Variants in FAM177B observed in about 807,000 individuals in gnomAD.
FAM177B encodes protein FAM177B.
Under a neutral mutation model 16.1 loss-of-function variants are expected in FAM177B, and 16 were observed. The ratio of observed to expected loss-of-function variants is 0.99; its 90% CI spans 0.67 to 1.51. FAM177B has a LOEUF of 1.51. Ranked by LOEUF, FAM177B falls within the 40% of genes most tolerant of loss-of-function variation. FAM177B has a pLI of 0.00. For synonymous variants in FAM177B, 56 were observed against 59.9 expected (o/e 0.93, Z 0.30); for missense variants, 178 against 183.7 (o/e 0.97, Z 0.18).
Position 222,750,505 on chromosome 1 carries a change from T to C in FAM177B, c.*447T>C, listed in dbSNP as rs1026171010. On this transcript the variant is annotated 3_prime_UTR_variant, in exon 6 of 6. Transcript: ENST00000445590. ...ATAAATCCCCTTTCAGGATTTGATA[T>C]AGTGTGTACTTCCAACAACCATCCT... 4.0e-6 allele frequency: 4 copies of C among 988,044 alleles called. No individual in the cohort carries two copies. Among genetic ancestry groups the C allele is most frequent in the Non-Finnish European group, 4.8e-6 (4 of 831,840 alleles). The allele number at this position is 988,044 out of a possible 1,614,324, so 61.2% of individuals were successfully genotyped here.
chr1:222,744,738 G>C (rs1048043119), intron 2 of FAM177B, among the ~76,000 whole-genome samples: 7 of 152,158 alleles, frequency 4.6e-5, no homozygotes, highest in Middle Eastern at 6.8e-3. Context: ...TTAAATAATA[G>C]GATTTTAAAT....
At chr1:222,749,133 A>C in intron 4 of FAM177B, 1 of 463,084 alleles carries the variant, frequency 2.2e-6, no homozygotes, top group Non-Finnish European at 4.4e-6. Context: ...GCCGGTATGC[A>C]TGGGGATAAT....
chr1:222,749,017 C>A (rs1374433365), intron 4 of FAM177B: 4 of 472,086 alleles, frequency 8.5e-6, no homozygotes, highest in African/African-American at 2.0e-5. Flanking sequence ...CCTTAAACAA[C>A]TTCTGAGAAG....
intron 5 of FAM177B, 95 bp downstream of exon 5, chr1:222,749,657 T>C: frequency 1.3e-6 from 1 of 791,424 alleles, no homozygotes; most frequent in Non-Finnish European, 2.1e-6. Context: ...TCCCACCTGG[T>C]CATATGTACT....
Position 222,750,165 on chromosome 1 carries a change from A to C in FAM177B, c.*107A>C, listed in dbSNP as rs776893920. On this transcript the variant is annotated 3_prime_UTR_variant, in exon 6 of 6. Transcript: ENST00000445590. ...TTGGCCATTGATTACCATGGCAACA[A>C]CACCAGAGGTAGCACTTCTGAGCCA... 4.6e-6 allele frequency: 7 copies of C among 1,521,982 alleles called. No homozygotes were observed. Among genetic ancestry groups the C allele is most frequent in the Non-Finnish European group, 6.1e-6 (7 of 1,140,914 alleles). The allele number at this position is 1,521,982 out of a possible 1,614,324, so 94.3% of individuals were successfully genotyped here.
intron 2 of FAM177B, among the ~76,000 whole-genome samples, chr1:222,745,450 A>G (rs1245363864): frequency 2.0e-5 from 3 of 151,946 alleles, no homozygotes; most frequent in Non-Finnish European, 4.4e-5. Context: ...CATCTCTATA[A>G]AAAAAAATTT....
At chr1:222,745,722 G>GC (rs1658764712) in intron 2 of FAM177B, among the ~76,000 whole-genome samples, 1 of 152,176 alleles carries the variant, frequency 6.6e-6, no homozygotes, top group Non-Finnish European at 1.5e-5. Context: ...AGGAGTTTGA[G>GC]ACCAGCCTGA....
rs182349811 is a variant in FAM177B, at chr1:222,741,751, T to C, written c.-16+3730T>C. ...TCCCTCCCTCCCTCCCTCCCTCCTT[T>C]CTTTCTTTCTTTTTCTTTCTTCCTT... On this transcript the variant is annotated intron_variant, in intron 2 of 5. Coordinates refer to ENST00000445590, the MANE Select transcript of FAM177B (RefSeq NM_001394345.1). 4.1e-3 allele frequency among the ~76,000 whole-genome samples: 566 copies of C among 139,040 alleles called. 4 individuals carry two copies. The highest frequency in any genetic ancestry group is 0.013 in the African/African-American group (494 of 38,306). 91.2% of individuals were successfully genotyped at this position (139,040 alleles called of 152,430 possible).
Position 222,748,673 on chromosome 1 carries a change from T to C in FAM177B, c.242-792T>C, listed in dbSNP as rs76487983. 6.8e-4 allele frequency among the ~76,000 whole-genome samples: 103 copies of C among 152,302 alleles called. No homozygotes were observed. The East Asian group carries it at 0.019, about 28-fold the overall frequency. On this transcript the variant is annotated intron_variant, in intron 4 of 5. Coordinates refer to ENST00000445590, the MANE Select transcript of FAM177B (RefSeq NM_001394345.1). Reference sequence around the variant, plus strand: ...TTTATTTTAATATTTTTTTAAAAAGTTATCTTCTACACATGTACTAGGCAG... The same window carrying C: ...TTTATTTTAATATTTTTTTAAAAAGCTATCTTCTACACATGTACTAGGCAG...
chr1:222,739,119 C>T (rs547777204), intron 2 of FAM177B, among the ~76,000 whole-genome samples: 1 of 152,182 alleles, frequency 6.6e-6, no homozygotes, highest in Admixed American at 6.5e-5. Flanking sequence ...TGAGGGTGTG[C>T]GTATGTTTCA....
chr1:222,749,380 G>C, intron 4 of FAM177B, 85 bp from the exon 5 acceptor site: 1 of 735,538 alleles, frequency 1.4e-6, no homozygotes, highest in Non-Finnish European at 2.4e-6. Flanking sequence ...TATACTATCA[G>C]AATAGTTTAA....
chr1:222,742,754 C>A (rs1386554000), intron 2 of FAM177B: 2 of 152,146 alleles, frequency 1.3e-5, no homozygotes, highest in Non-Finnish European at 2.9e-5. Context: ...GAGAGCTTTT[C>A]TCAGATTTCT....
At chr1:222,743,413 C>T (rs1281176560) in intron 2 of FAM177B, among the ~76,000 whole-genome samples, 2 of 152,144 alleles carry the variant, frequency 1.3e-5, no homozygotes, top group Non-Finnish European at 2.9e-5. Flanking sequence ...CCGCCTTGCC[C>T]TCCCAAAGTT....
chr1:222,744,737 A>G (rs538585531), intron 2 of FAM177B, among the ~76,000 whole-genome samples: 2 of 152,370 alleles, frequency 1.3e-5, no homozygotes, highest in African/African-American at 4.8e-5. Context: ...ATTAAATAAT[A>G]GGATTTTAAA....
At chr1:222,748,851 A>G in intron 4 of FAM177B, 5 of 351,262 alleles carry the variant, frequency 1.4e-5, no homozygotes, top group Non-Finnish European at 2.9e-5. Context: ...GGGGTAAGAG[A>G]AGGCTGTCGG....
chr1:222,739,837 G>A (rs987013029), intron 2 of FAM177B: 1 of 152,154 alleles, frequency 6.6e-6, no homozygotes, highest in African/African-American at 2.4e-5. Context: ...AATTATGTAA[G>A]TTTCTTTTTG....
intron 3 of FAM177B, 105 bp downstream of exon 3, chr1:222,746,824 C>T: frequency 9.3e-7 from 1 of 1,079,270 alleles, no homozygotes; most frequent in Non-Finnish European, 1.3e-6. Context: ...TAAGCTAAGT[C>T]CTTGGTCTCC....
chr1:222,739,664 C>G (rs1479628426), intron 2 of FAM177B: 1 of 152,200 alleles, frequency 6.6e-6, no homozygotes, highest in Admixed American at 6.5e-5. Flanking sequence ...GTAAGACACG[C>G]AAGAGAACAC....
chr1:222,741,057 CTTTTTTTTTT>C (rs369907456), intron 2 of FAM177B, among the ~76,000 whole-genome samples: 5 of 82,154 alleles, frequency 6.1e-5, no homozygotes, highest in East Asian at 3.6e-4. Context: ...TTTTTGTTTT[CTTTTTTTTTT>C]TTTTTTTTTT....
Sources: allele counts gnomAD v4.1 joint callset (sites outside exome capture counted in the v4.1 genomes callset), GRCh38; gene constraint gnomAD v4.1.1; transcripts MANE v1.5; gene names NCBI Gene and HGNC (gene_info 2026-07-23, HGNC 2026-07-21).